GRM7: variants seen among roughly 807,000 people sequenced by gnomAD.
The protein encoded by GRM7 is metabotropic glutamate receptor 7.
In GRM7, 35 loss-of-function variants were observed where a neutral mutation model predicts 84.5. The ratio of observed to expected loss-of-function variants is 0.41; its 90% CI spans 0.32 to 0.55. The LOEUF (loss-of-function observed/expected upper bound fraction) is 0.55. Ranked by LOEUF, GRM7 falls within the 20% of genes least tolerant of loss-of-function variation. The probability of loss-of-function intolerance (pLI) is 0.19; values close to 1 mark genes in which losing one functional copy is unlikely to be tolerated. For synonymous variants in GRM7, 487 were observed against 455.1 expected, an observed-to-expected ratio of 1.07 and a Z score of -0.89; for missense variants, 1,003 against 1,194.6, an observed-to-expected ratio of 0.84 and a Z score of 2.36.
At chr3:7,084,223 A>T (rs746160096) in intron 1 of GRM7, among the ~76,000 whole-genome samples, 2 of 152,108 alleles carry the variant, frequency 1.3e-5, no homozygotes, top group African/African-American at 2.4e-5. Flanking sequence ...TAGTAGAGGC[A>T]ACAGGCAATG....
intron 4 of GRM7, among the ~76,000 whole-genome samples, chr3:7,325,921 G>A (rs1257933964): frequency 1.3e-5 from 2 of 152,086 alleles, no homozygotes; most frequent in African/African-American, 2.4e-5. Context: ...GATCATGAGC[G>A]AGAAACAGCA....
intron 1 of GRM7, among the ~76,000 whole-genome samples, chr3:7,091,734 C>G (rs1367286672): frequency 1.5e-5 from 1 of 65,418 alleles, no homozygotes; most frequent in Non-Finnish European, 2.9e-5. Flanking sequence ...CATTGAATGT[C>G]AGGAATGAGC....
chr3:7,019,119 GT>G (rs921363743), intron 1 of GRM7, among the ~76,000 whole-genome samples: 9 of 152,166 alleles, frequency 5.9e-5, no homozygotes, highest in African/African-American at 2.2e-4. Flanking sequence ...AATAAGTTTT[GT>G]GAATTTAAAG....
chr3:7,446,048 A>T (rs1389551840), intron 5 of GRM7, among the ~76,000 whole-genome samples: 1 of 152,214 alleles, frequency 6.6e-6, no homozygotes, highest in Non-Finnish European at 1.5e-5. Context: ...TGAAGCATTT[A>T]TCACTTACAA....
intron 1 of GRM7, among the ~76,000 whole-genome samples, chr3:6,910,653 A>G (rs2125016630): frequency 6.6e-6 from 1 of 152,232 alleles, no homozygotes; most frequent in African/African-American, 2.4e-5. Flanking sequence ...ATGGAGGCTG[A>G]GGCAAGAGAA....
At chr3:7,336,101 C>A (rs201297808) in intron 4 of GRM7, among the ~76,000 whole-genome samples, 100 of 142,566 alleles carry the variant, frequency 7.0e-4, no homozygotes, top group African/African-American at 2.2e-3. Flanking sequence ...CAAAAAAAAA[C>A]ACAGACCAAT....
At chr3:6,940,958 C>T (rs557451902) in intron 1 of GRM7, among the ~76,000 whole-genome samples, 3 of 152,290 alleles carry the variant, frequency 2.0e-5, no homozygotes, top group African/African-American at 7.2e-5. Context: ...ATGGGTTGAA[C>T]GTTGAGCAAA....
At chr3:7,649,555 G>A (rs577724916) in intron 8 of GRM7, among the ~76,000 whole-genome samples, 46 of 152,186 alleles carry the variant, frequency 3.0e-4, no homozygotes, top group Non-Finnish European at 5.4e-4. Context: ...GGTTCAACGT[G>A]GCAGAGACAT....
chr3:7,291,793 G>A (rs755704065), intron 2 of GRM7, among the ~76,000 whole-genome samples: 9 of 152,160 alleles, frequency 5.9e-5, no homozygotes, highest in Non-Finnish European at 1.2e-4. Context: ...GGGAATGGAG[G>A]TGATATGGTT....
chr3:7,627,654 G>C (rs1373075712), intron 8 of GRM7, among the ~76,000 whole-genome samples: 1 of 152,150 alleles, frequency 6.6e-6, no homozygotes, highest in African/African-American at 2.4e-5. Context: ...CCTTCACAAA[G>C]TATTACGAAC....
chr3:7,223,851 A>G (rs1406237980), intron 2 of GRM7, among the ~76,000 whole-genome samples: 1 of 152,160 alleles, frequency 6.6e-6, no homozygotes, highest in African/African-American at 2.4e-5. Flanking sequence ...ATGCAGAGGA[A>G]CTTGATCTCT....
intron 9 of GRM7, among the ~76,000 whole-genome samples, chr3:7,726,232 G>T (rs2106522981): frequency 6.6e-6 from 1 of 152,110 alleles, no homozygotes; most frequent in East Asian, 2.0e-4. Flanking sequence ...TTTTGCAGGA[G>T]CTCACAGGAC....
intron 8 of GRM7, among the ~76,000 whole-genome samples, chr3:7,656,543 G>GCACACACACACACACACA (rs140409240): frequency 4.0e-4 from 48 of 119,890 alleles, no homozygotes; most frequent in African/African-American, 5.2e-4. Context: ...ATATATACGC[G>GCACACACACACACACACA]CGCGCACACA....
At chr3:7,571,082 T>C (rs147430564) in intron 7 of GRM7, among the ~76,000 whole-genome samples, 2 of 152,282 alleles carry the variant, frequency 1.3e-5, no homozygotes, top group Admixed American at 1.3e-4. Context: ...ACAGGGATCC[T>C]GTCCCTGGTC....
intron 1 of GRM7, among the ~76,000 whole-genome samples, chr3:7,039,211 C>G (rs1696500758): frequency 6.6e-6 from 1 of 152,152 alleles, no homozygotes; most frequent in Non-Finnish European, 1.5e-5. Context: ...GTGGAGTTTG[C>G]ATGGTTCCTT....
chr3:7,482,478 A>G (rs561213841), intron 7 of GRM7, among the ~76,000 whole-genome samples: 17 of 152,344 alleles, frequency 1.1e-4, no homozygotes, highest in African/African-American at 3.8e-4. Context: ...AGGGAGGTAC[A>G]TGGCAAGTCA....
chr3:7,681,176 T>C (rs1044731876), intron 9 of GRM7: 1 of 152,238 alleles, frequency 6.6e-6, no homozygotes, highest in Non-Finnish European at 1.5e-5. Context: ...TTTGGCTAGT[T>C]GCATTTAGAA....
At chr3:6,954,355 T>A (rs1438697862) in intron 1 of GRM7, among the ~76,000 whole-genome samples, 1 of 152,200 alleles carries the variant, frequency 6.6e-6, no homozygotes, top group Non-Finnish European at 1.5e-5. Flanking sequence ...TTAACTATAG[T>A]CACCCTACTC....
intron 1 of GRM7, among the ~76,000 whole-genome samples, chr3:6,865,189 A>C (rs1379628764): frequency 1.3e-5 from 2 of 152,204 alleles, no homozygotes; most frequent in African/African-American, 4.8e-5. Context: ...CTTGCGCAAA[A>C]TAATACTCTC....
Sources: allele counts gnomAD v4.1 joint callset (sites outside exome capture counted in the v4.1 genomes callset), GRCh38; gene constraint gnomAD v4.1.1; transcripts MANE v1.5; gene names NCBI Gene and HGNC (gene_info 2026-07-23, HGNC 2026-07-21).